RAB38: variants seen among roughly 807,000 people sequenced by gnomAD.
RAB38 encodes the protein ras-related protein Rab-38.
In RAB38, 15 loss-of-function variants were observed where a neutral mutation model predicts 18.4. The observed-to-expected ratio is 0.82, with a 90% CI of 0.55 to 1.26. The LOEUF is 1.26. Ranked by LOEUF, RAB38 falls within the 50% of genes most tolerant of loss-of-function variation. The pLI is 0.00. For missense variants in RAB38, 294 were observed against 267.4 expected, an observed-to-expected ratio of 1.10 and a Z score of -0.69; for synonymous variants, 101 against 104.4, an observed-to-expected ratio of 0.97 and a Z score of 0.20.
At chr11:87,966,297 T>C in the RAB38 span, among the ~76,000 whole-genome samples, 3 of 152,080 alleles carry the variant, frequency 2.0e-5, no homozygotes, top group Non-Finnish European at 4.4e-5. Flanking sequence ...GAACATTGGA[T>C]CAAGTCTGAA....
chr11:88,175,313 A>G lies in RAB38; in HGVS notation c.72T>C (p.Ser24=), dbSNP rs1943374668. 6.2e-7 allele frequency: 1 copy of G among 1,614,148 alleles called. No homozygotes were observed. The highest frequency in any genetic ancestry group is 1.3e-5 in the African/African-American group (1 of 75,048). The change falls in exon 1 of 3, where the codon AGT becomes AGC. Residue 24 remains serine (S), a synonymous_variant. Transcript: ENST00000243662. The stretch of plus-strand genomic sequence containing the variant: ...TCTGGTGCACGTAGCGCTTGATGAT[A>G]CTGGTCTTCCCCACGCCCAGGTCGC... ...VIGDLGVGKT[S]IIKRYVHQNF... is the part of the protein sequence containing the mutation.
chr11:88,133,565 T>A (rs1942792648), intron 2 of RAB38, among the ~76,000 whole-genome samples: 2 of 152,160 alleles, frequency 1.3e-5, no homozygotes, highest in South Asian at 4.1e-4. Context: ...ATGCTAGACC[T>A]CCCAGTGACT....
chr11:88,086,662 C>G, the RAB38 span, among the ~76,000 whole-genome samples: 1 of 151,776 alleles, frequency 6.6e-6, no homozygotes, highest in African/African-American at 2.4e-5. Context: ...CTCAACACAC[C>G]AGTAAATGAA....
chr11:88,157,558 C>T (rs982633936), intron 1 of RAB38, among the ~76,000 whole-genome samples: 2 of 152,086 alleles, frequency 1.3e-5, no homozygotes, highest in Admixed American at 1.3e-4. Context: ...CTCATTTGCA[C>T]AGAACATAGA....
the RAB38 span, among the ~76,000 whole-genome samples, chr11:87,976,544 T>A: frequency 3.1e-5 from 4 of 128,124 alleles, no homozygotes; most frequent in African/African-American, 8.7e-5. Flanking sequence ...TACATTTATA[T>A]TTTATATATA....
chr11:87,872,088 A>G, the RAB38 span, among the ~76,000 whole-genome samples: 1 of 151,560 alleles, frequency 6.6e-6, no homozygotes, highest in Admixed American at 6.6e-5. Flanking sequence ...TTACATTTCT[A>G]CCAACAGTAT....
At chr11:87,914,342 C>T in the RAB38 span, among the ~76,000 whole-genome samples, 10 of 152,074 alleles carry the variant, frequency 6.6e-5, no homozygotes, top group Non-Finnish European at 2.9e-5. Context: ...ACCCTTGTTA[C>T]ATTGTAGCAA....
intron 2 of RAB38, among the ~76,000 whole-genome samples, chr11:88,141,021 T>A (rs1263770294): frequency 6.6e-6 from 1 of 152,132 alleles, no homozygotes; most frequent in Non-Finnish European, 1.5e-5. Flanking sequence ...TGGCTAGAGA[T>A]AGAGATCAAG....
chr11:87,921,155 A>G, the RAB38 span, among the ~76,000 whole-genome samples: 1 of 152,120 alleles, frequency 6.6e-6, no homozygotes, highest in Non-Finnish European at 1.5e-5. Flanking sequence ...ATGTATAACT[A>G]CAGACAGTTT....
the RAB38 span, among the ~76,000 whole-genome samples, chr11:88,061,217 T>C: frequency 6.6e-6 from 1 of 152,218 alleles, no homozygotes; most frequent in African/African-American, 2.4e-5. Flanking sequence ...CTTTGAGCCA[T>C]ACAGCTGTGA....
At chr11:87,840,152 G>A in the RAB38 span, among the ~76,000 whole-genome samples, 1 of 152,130 alleles carries the variant, frequency 6.6e-6, no homozygotes, top group African/African-American at 2.4e-5. Flanking sequence ...AAAGAAGAGA[G>A]GGAAGAGAAG....
At chr11:88,149,264 C>T (rs1407416176) in intron 2 of RAB38, among the ~76,000 whole-genome samples, 1 of 152,174 alleles carries the variant, frequency 6.6e-6, no homozygotes, top group Non-Finnish European at 1.5e-5. Flanking sequence ...TCCTGATGTA[C>T]AGGTGAACAT....
chr11:87,858,263 C>A, the RAB38 span, among the ~76,000 whole-genome samples: 5 of 151,998 alleles, frequency 3.3e-5, no homozygotes, highest in African/African-American at 1.2e-4. Context: ...TCAGCATTGG[C>A]CTACAATGCC....
At chr11:88,028,819 A>G in the RAB38 span, among the ~76,000 whole-genome samples, 1 of 152,256 alleles carries the variant, frequency 6.6e-6, no homozygotes, top group East Asian at 1.9e-4. Context: ...GATATTATCC[A>G]GGAGAACTTC....
At chr11:87,897,683 G>C in the RAB38 span, among the ~76,000 whole-genome samples, 1 of 151,590 alleles carries the variant, frequency 6.6e-6, no homozygotes, top group Admixed American at 6.6e-5. Context: ...TAAGAACTGA[G>C]AAAGAAAGAA....
the RAB38 span, among the ~76,000 whole-genome samples, chr11:87,848,048 A>G: frequency 6.6e-6 from 1 of 152,114 alleles, no homozygotes; most frequent in Non-Finnish European, 1.5e-5. Flanking sequence ...GTGCCATATT[A>G]TTTCTACATT....
At chr11:88,047,038 C>T in the RAB38 span, among the ~76,000 whole-genome samples, 16 of 152,300 alleles carry the variant, frequency 1.1e-4, 1 homozygote, top group South Asian at 2.1e-3. Context: ...CTCAATTCTG[C>T]GTGCAGCCGC....
chr11:87,908,665 TC>T, the RAB38 span, among the ~76,000 whole-genome samples: 1 of 151,968 alleles, frequency 6.6e-6, no homozygotes, highest in Non-Finnish European at 1.5e-5. Context: ...TTTTTAAGAA[TC>T]AAAGGTAAAT....
the RAB38 span, among the ~76,000 whole-genome samples, chr11:88,089,502 G>A: frequency 1.3e-5 from 2 of 151,852 alleles, no homozygotes; most frequent in East Asian, 1.9e-4. Context: ...TTTCCTGAGT[G>A]CCTCAACCAA....
Sources: gnomAD v4.1 joint callset for allele counts (sites outside exome capture counted in the v4.1 genomes callset) on GRCh38, gnomAD v4.1.1 for gene constraint, MANE v1.5 for transcripts, NCBI Gene and HGNC (gene_info 2026-07-23, HGNC 2026-07-21) for gene names.